Variants in APOB observed in about 807,000 individuals in gnomAD.
The protein encoded by APOB is apolipoprotein B-100.
A neutral mutation model predicts 314.1 loss-of-function variants in APOB; 153 were observed. The ratio of observed to expected loss-of-function variants is 0.49; its 90% CI spans 0.43 to 0.56. The LOEUF (loss-of-function observed/expected upper bound fraction) is 0.56. Ranked by LOEUF, APOB falls within the 20% of genes least tolerant of loss-of-function variation. The pLI is 0.00. For synonymous variants in APOB, 2,087 were observed against 2,036.4 expected (o/e 1.02, Z -0.67); for missense variants, 5,430 against 5,350.7 (o/e 1.01, Z -0.46).
intron 4 of APOB, among the ~76,000 whole-genome samples, chr2:21,039,982 G>A (rs894710094): frequency 9.2e-5 from 14 of 152,168 alleles, no homozygotes; most frequent in African/African-American, 2.9e-4. Context: ...CCCAAATTTC[G>A]TCTCGTAGCT....
Position 21,014,380 on chromosome 2 carries a change from A to G in APOB, c.3842+68T>C, listed in dbSNP as rs931640701. 4.4e-6 allele frequency: 7 copies of G among 1,579,230 alleles called. No individual in the cohort carries two copies. The African/African-American group carries it at 9.5e-5, about 21-fold the overall frequency. Reference sequence around the variant, plus strand: ...TTTAAAAATTTAAAAAAATGTCTAAATCATGCTATGTAAAATCTTTCATTT... The same window carrying G: ...TTTAAAAATTTAAAAAAATGTCTAAGTCATGCTATGTAAAATCTTTCATTT... On this transcript the variant is annotated intron_variant, in intron 24 of 28. Coordinates refer to ENST00000233242, the MANE Select transcript of APOB (RefSeq NM_000384.3).
At position 21,011,497 on chromosome 2, in the gene APOB, A is replaced by AG; in HGVS notation, c.5370dup (p.Tyr1791LeufsTer10). 6.2e-7 allele frequency: 1 copy of AG among 1,614,204 alleles called. No homozygotes were observed. The highest frequency in any genetic ancestry group is 8.5e-7 in the Non-Finnish European group (1 of 1,180,024). ...CTGTTTAAAGTAGTTACCAGAGAAT[A>AG]GGGCTGTAGCTGTAAATTAACAGTT... On this transcript the variant is annotated frameshift_variant, in exon 26 of 29. Transcript: ENST00000233242. LOFTEE classifies it high-confidence loss of function.
At chr2:21,030,607 C>A (rs1469392208) in intron 10 of APOB, among the ~76,000 whole-genome samples, 2 of 152,114 alleles carry the variant, frequency 1.3e-5, no homozygotes, top group African/African-American at 4.8e-5. Context: ...ACAAATAGAA[C>A]TTAATTAAAG....
chr2:21,042,266 A>C, intron 3 of APOB, 95 bp downstream of exon 3: 1 of 895,304 alleles, frequency 1.1e-6, no homozygotes, highest in Non-Finnish European at 1.9e-6. Flanking sequence ...TGCTCAGTAC[A>C]CACCCTCCGG....
chr2:21,037,900 C>T, intron 5 of APOB, 58 bp downstream of exon 5: 14 of 1,598,774 alleles, frequency 8.8e-6, no homozygotes, highest in African/African-American at 5.4e-5. Flanking sequence ...TAGGACTGGT[C>T]TCTAACACAT....
Position 21,006,843 on chromosome 2 carries a change from G to A in APOB, c.10025C>T (p.Ser3342Phe), listed in dbSNP as rs267599180. The change falls in exon 26 of 29, where the codon TCC becomes TTC. Residue 3342 changes from serine to phenylalanine, a missense_variant. Ser to Phe is a radical substitution (Grantham distance 155, BLOSUM62 -2). Around this residue, in one of 3 missense-constraint regions of APOB, gnomAD observed 3,281 missense variants for 3,171.0 expected, o/e 1.03. Coordinates refer to ENST00000233242, the MANE Select transcript of APOB (RefSeq NM_000384.3). ...PAMGNITYDF[S>F]FKSSVITLNT... ...CAGTGTGATGACACTTGATTTAAAG[G>A]AGAAATCATAGGTAATATTGCCCAT... is the stretch of plus-strand genomic sequence containing the variant. The A allele has an allele frequency of 5.2e-5, 84 of 1,613,938 alleles. No homozygotes were observed. In the South Asian group the frequency reaches 9.0e-4, roughly 17 times the overall value.
intron 24 of APOB, among the ~76,000 whole-genome samples, chr2:21,013,981 T>C (rs930777639): frequency 1.3e-5 from 2 of 152,248 alleles, no homozygotes; most frequent in East Asian, 3.8e-4. Context: ...GATACAAATT[T>C]GCTAAACTGA....
chr2:21,038,263 C>T (rs1664053244), intron 4 of APOB, 152 bp from the exon 5 acceptor site: 1 of 811,898 alleles, frequency 1.2e-6, no homozygotes, highest in Non-Finnish European at 2.0e-6. Context: ...TATAGCTACA[C>T]ATAGACATAC....
At position 21,008,204 on chromosome 2, in the gene APOB, T is replaced by C. The variant is rs748521342; in HGVS notation, c.8664A>G (p.Lys2888=). 1.9e-6 allele frequency: 3 copies of C among 1,613,932 alleles called. No homozygotes were observed. Among genetic ancestry groups the C allele is most frequent in the South Asian group, 1.1e-5 (1 of 91,084 alleles). ...NNQLTLDSNT[K]YFHKLNIPKL... ...TGGGGATGTTCAATTTGTGGAAGTA[T>C]TTAGTGTTGCTATCCAGGGTAAGCT... is the stretch of plus-strand genomic sequence containing the variant. The change falls in exon 26 of 29, where the codon AAA becomes AAG. Residue 2888 remains lysine, a synonymous_variant. Coordinates refer to ENST00000233242, the MANE Select transcript of APOB (RefSeq NM_000384.3).
At chr2:21,028,673 G>A in intron 12 of APOB, 135 bp from the exon 13 acceptor site, 1 of 678,598 alleles carries the variant, frequency 1.5e-6, no homozygotes, top group Non-Finnish European at 2.6e-6. Context: ...TTCAAATGCT[G>A]GTATTGAATC....
Position 21,028,013 on chromosome 2 carries a change from T to C in APOB, c.1882A>G (p.Met628Val), listed in dbSNP as rs756884638. 3.1e-6 allele frequency: 5 copies of C among 1,613,950 alleles called. No homozygotes were observed. The highest frequency in any genetic ancestry group is 4.2e-6 in the Non-Finnish European group (5 of 1,179,902). ...ALKESQLPTV[M>V]DFRKFSRNYQ... The stretch of plus-strand genomic sequence containing the variant: ...TTCCGAGAGAATTTTCTGAAGTCCA[T>C]GACAGTTGGAAGTTGAGATTCTTTC... The change falls in exon 14 of 29, where the codon ATG (methionine) becomes GTG (valine). Residue 628 changes from methionine (M) to valine (V), a missense_variant. By Grantham distance (21) the Met-to-Val change is conservative. Transcript: ENST00000233242.
At position 21,015,552 on chromosome 2, in the gene APOB, T is replaced by C; in HGVS notation, c.3333-7A>G. 1 of 1,611,492 alleles carries C rather than the reference T, an allele frequency of 6.2e-7. No individual in the cohort carries two copies. Among genetic ancestry groups the C allele is most frequent in the East Asian group, 2.2e-5 (1 of 44,878 alleles). ...TTCTTCCTTTGTGTCACAACTATGG[T>C]AAAGAAAATCAGTTGGCACCAATGA... On this transcript the variant is annotated splice_region_variant and splice_polypyrimidine_tract_variant and intron_variant, in intron 21 of 28. Transcript: ENST00000233242.
chr2:21,023,505 A>G lies in APOB; in HGVS notation c.2604+20T>C, dbSNP rs1663663693. The G allele has an allele frequency of 6.2e-7, 1 of 1,614,022 alleles. No individual in the cohort carries two copies. The highest frequency in any genetic ancestry group is 8.5e-7 in the Non-Finnish European group (1 of 1,179,882). On this transcript the variant is annotated intron_variant, in intron 17 of 28. Coordinates refer to ENST00000233242, the MANE Select transcript of APOB (RefSeq NM_000384.3). ...AAGAAAGTAATAACCTAAGAAATCAAAAGGCAAACAGAATCTTACGTTGGC... is the reference window on the plus strand; with the variant it reads ...AAGAAAGTAATAACCTAAGAAATCAGAAGGCAAACAGAATCTTACGTTGGC...
Position 21,007,867 on chromosome 2 carries a change from C to T in APOB, c.9001G>A (p.Val3001Ile), listed in dbSNP as rs757915110. 7 of 1,614,064 alleles carry T rather than the reference C, an allele frequency of 4.3e-6. No individual in the cohort carries two copies. The highest frequency in any genetic ancestry group is 3.3e-5 in the South Asian group (3 of 91,080). The change falls in exon 26 of 29, where the codon GTT (valine) becomes ATT (isoleucine). Residue 3001 changes from valine (V) to isoleucine (I), a missense_variant. Physicochemically the swap from Val to Ile is conservative, Grantham distance 29. Coordinates refer to ENST00000233242, the MANE Select transcript of APOB (RefSeq NM_000384.3). ...QVDSQHVGHS[V>I]LTAKGMALFG... ...AGTGCCATGCCTTTAGCAGTTAGAA[C>T]ACTGTGGCCCACATGCTGGGAATCG...
chr2:21,010,353 G>T lies in APOB; in HGVS notation c.6515C>A (p.Ser2172Tyr). Residue 2172 changes from serine (S) to tyrosine (Y), a missense_variant, in exon 26 of 29, where the codon TCT becomes TAT. Physicochemically the swap from Ser to Tyr is moderately radical, Grantham distance 144 (BLOSUM62 -2). This residue lies in a region of APOB where 3,281 missense variants were observed against 3,171.0 expected (regional missense o/e 1.03). Transcript: ENST00000233242. Reference sequence around the variant, plus strand: ...TTGTATCATATATGTCTGCAGTTGAGATAGTTTTTCATTAAAGTTGATTTT... The same window carrying T: ...TTGTATCATATATGTCTGCAGTTGATATAGTTTTTCATTAAAGTTGATTTT... Reference protein sequence around the residue: ...DAKINFNEKLSQLQTYMIQFD... With the variant: ...DAKINFNEKLYQLQTYMIQFD... 6.3e-7 allele frequency: 1 copy of T among 1,575,938 alleles called. No individual in the cohort carries two copies. The highest frequency in any genetic ancestry group is 1.2e-5 in the South Asian group (1 of 84,468).
chr2:21,017,575 A>G (rs12713908), intron 20 of APOB, among the ~76,000 whole-genome samples: 216 of 152,246 alleles, frequency 1.4e-3, no homozygotes, highest in Non-Finnish European at 2.7e-3. Context: ...AATGGGGAGC[A>G]CTTAGCTTGT....
rs780450201 is a variant in APOB, at chr2:21,011,166, G to A, written c.5702C>T (p.Ala1901Val). 2 of 1,614,192 alleles carry A rather than the reference G, an allele frequency of 1.2e-6. No homozygotes were observed. Among genetic ancestry groups the A allele is most frequent in the Admixed American group, 1.7e-5 (1 of 60,016 alleles). Reference protein sequence around the residue: ...HFSNVFRSVMAPFTMTIDAHT... With the variant: ...HFSNVFRSVMVPFTMTIDAHT... ...TGCATCGATGGTCATGGTAAACGGG[G>A]CCATTACAGAACGGAAGACATTGCT... The change falls in exon 26 of 29, where the codon GCC becomes GTC. Residue 1901 changes from alanine to valine, a missense_variant. Around this residue, in one of 3 missense-constraint regions of APOB, gnomAD observed 3,281 missense variants for 3,171.0 expected, o/e 1.03. Transcript: ENST00000233242.
At chr2:21,022,263 T>C (rs1381385377) in intron 18 of APOB, among the ~76,000 whole-genome samples, 1 of 152,204 alleles carries the variant, frequency 6.6e-6, no homozygotes, top group Non-Finnish European at 1.5e-5. Context: ...CCACCGTGGC[T>C]GGCCAATTAA....
rs773868517 is a variant in APOB, at chr2:21,008,645, G to A, written c.8223C>T (p.Phe2741=). ...TTGTGTGTGAGATGTGGGGAAGCTG[G>A]AATTCTGGTATGTGAAGGTCAGGAA... ...FQVPDLHIPE[F]QLPHISHTIE... The change falls in exon 26 of 29, where the codon TTC becomes TTT. Residue 2741 remains phenylalanine, a synonymous_variant. Transcript: ENST00000233242. 3 of 1,614,088 alleles carry A rather than the reference G, an allele frequency of 1.9e-6. No homozygotes were observed. Among genetic ancestry groups the A allele is most frequent in the South Asian group, 2.2e-5 (2 of 91,082 alleles).
Sources: gnomAD v4.1 joint callset for allele counts (sites outside exome capture counted in the v4.1 genomes callset) on GRCh38, gnomAD v4.1.1 for gene constraint, gnomAD v4.1.1 regional missense constraint, MANE v1.5 for transcripts, NCBI Gene and HGNC (gene_info 2026-07-23, HGNC 2026-07-21) for gene names.